The following ADCY9 variants were observed in gnomAD, a reference collection of about 807,000 sequenced individuals.
The protein encoded by ADCY9 is adenylate cyclase type 9.
ADCY9 carries 50 observed loss-of-function variants against 101.5 expected under a neutral mutation model. The observed-to-expected ratio is 0.49, with a 90% CI of 0.39 to 0.62. The LOEUF (loss-of-function observed/expected upper bound fraction) is 0.62. Among genes scored for constraint, ADCY9 ranks in the 20% least tolerant of loss-of-function variants. The probability of loss-of-function intolerance (pLI) is 0.00; values close to 1 mark genes in which losing one functional copy is unlikely to be tolerated. For synonymous variants in ADCY9, 905 were observed against 769.3 expected (o/e 1.18, Z -2.92); for missense variants, 1,662 against 1,800.4 (o/e 0.92, Z 1.39).
downstream of ADCY9, among the ~76,000 whole-genome samples, chr16:3,959,892 G>A (rs1477665304): frequency 6.6e-6 from 1 of 152,046 alleles, no homozygotes; most frequent in Non-Finnish European, 1.5e-5. Flanking sequence ...TAGGCGTGGT[G>A]GCGCATGCCT....
chr16:3,978,804 C>T (rs1383733016), intron 8 of ADCY9, among the ~76,000 whole-genome samples: 2 of 152,232 alleles, frequency 1.3e-5, no homozygotes, highest in African/African-American at 4.8e-5. Flanking sequence ...ACTGCAACCT[C>T]TGCCTCCCAG....
intron 4 of ADCY9, among the ~76,000 whole-genome samples, chr16:3,993,048 T>G (rs1025778301): frequency 2.0e-5 from 3 of 152,080 alleles, no homozygotes; most frequent in Admixed American, 2.0e-4. Flanking sequence ...CCAGCCTTTC[T>G]CGCCGTGAAG....
chr16:4,061,158 A>G (rs1213151507), intron 2 of ADCY9, among the ~76,000 whole-genome samples: 1 of 152,024 alleles, frequency 6.6e-6, no homozygotes, highest in Non-Finnish European at 1.5e-5. Flanking sequence ...AAATTATCCA[A>G]TCTGAAGAAG....
At chr16:4,030,765 C>T (rs1249430023) in intron 2 of ADCY9, among the ~76,000 whole-genome samples, 4 of 151,538 alleles carry the variant, frequency 2.6e-5, no homozygotes, top group Admixed American at 6.6e-5. Context: ...CACAGGCAAA[C>T]GCAATTTATG....
At chr16:4,096,805 T>C (rs2057006552) in intron 2 of ADCY9, among the ~76,000 whole-genome samples, 1 of 151,866 alleles carries the variant, frequency 6.6e-6, no homozygotes, top group Non-Finnish European at 1.5e-5. Context: ...CAGGCTAGAG[T>C]GTTAGAAAAT....
intron 2 of ADCY9, among the ~76,000 whole-genome samples, chr16:4,053,348 T>G (rs1386918790): frequency 6.6e-6 from 1 of 152,204 alleles, no homozygotes; most frequent in Non-Finnish European, 1.5e-5. Context: ...TGGAGACAGT[T>G]AAGTTACCAG....
chr16:4,046,963 G>C lies in ADCY9; in HGVS notation c.1694-39405C>G, dbSNP rs369857752. 7.9e-5 allele frequency among the ~76,000 whole-genome samples: 12 copies of C among 152,140 alleles called. No individual in the cohort carries two copies. The East Asian group carries it at 1.5e-3, about 20-fold the overall frequency. ...AGGTCGAGGCTGCAGTAAGCTATAAGTACGCCACTGGACTCCAGCCTGGTC... is the reference window on the plus strand; with the variant it reads ...AGGTCGAGGCTGCAGTAAGCTATAACTACGCCACTGGACTCCAGCCTGGTC... On this transcript the variant is annotated intron_variant, in intron 2 of 10. Coordinates refer to ENST00000294016, the MANE Select transcript of ADCY9 (RefSeq NM_001116.4).
Position 4,115,313 on chromosome 16 carries a change from T to C in ADCY9, c.130A>G (p.Lys44Glu), listed in dbSNP as rs763126371. Residue 44 changes from lysine to glutamate, a missense_variant, in exon 2 of 11, where the codon AAG becomes GAG. This residue lies in a region of ADCY9 where 422 missense variants were observed against 392.0 expected (regional missense o/e 1.08). Coordinates refer to ENST00000294016, the MANE Select transcript of ADCY9 (RefSeq NM_001116.4). The surrounding 1 kb of genome is among the most constrained non-coding windows in gnomAD (Gnocchi z 6.2). ...PKQLSSNSHP[K>E]HCKYSISSSC... ...GAGGAGATGCTGTATTTGCAGTGCT[T>C]GGGGTGGCTGTTGGAGGACAGCTGC... is the stretch of plus-strand genomic sequence containing the variant. 1.9e-6 allele frequency: 3 copies of C among 1,613,698 alleles called. No homozygotes were observed. In the South Asian group the frequency reaches 3.3e-5, roughly 18 times the overall value.
chr16:4,051,906 C>G (rs966913137), intron 2 of ADCY9, among the ~76,000 whole-genome samples: 3 of 152,132 alleles, frequency 2.0e-5, no homozygotes, highest in Admixed American at 2.0e-4. Flanking sequence ...TTTTCCGAGT[C>G]CCCAAAAAAT....
chr16:4,005,195 G>A (rs1398561802), intron 3 of ADCY9, among the ~76,000 whole-genome samples: 1 of 152,142 alleles, frequency 6.6e-6, no homozygotes, highest in East Asian at 1.9e-4. Context: ...AATATCCCAA[G>A]CTTCCCGAAT....
At chr16:3,993,534 G>A (rs2056264051) in intron 3 of ADCY9, 24 bp from the exon 4 acceptor site, 12 of 1,610,926 alleles carry the variant, frequency 7.4e-6, no homozygotes, top group South Asian at 1.1e-5. Flanking sequence ...ACAGACTGTG[G>A]GGACACACCC....
At chr16:3,974,856 T>A in intron 9 of ADCY9, 146 bp from the exon 10 acceptor site, 11 of 617,726 alleles carry the variant, frequency 1.8e-5, no homozygotes, top group South Asian at 9.8e-5. Context: ...ACCTCTTTCT[T>A]CACATCTGTG....
intron 2 of ADCY9, among the ~76,000 whole-genome samples, chr16:4,099,081 C>T (rs1358639128): frequency 6.6e-6 from 1 of 151,910 alleles, no homozygotes; most frequent in Non-Finnish European, 1.5e-5. Context: ...TACAGGTGTG[C>T]GCCACGACAC....
At chr16:3,970,610 G>A (rs971098148) in intron 10 of ADCY9, among the ~76,000 whole-genome samples, 14 of 152,188 alleles carry the variant, frequency 9.2e-5, no homozygotes, top group Non-Finnish European at 1.5e-4. Context: ...TTACAGGCAC[G>A]AGCCACCATG....
chr16:4,082,102 G>C (rs969427267), intron 2 of ADCY9, among the ~76,000 whole-genome samples: 2 of 152,084 alleles, frequency 1.3e-5, no homozygotes, highest in Non-Finnish European at 2.9e-5. Context: ...TGAAGGTTGG[G>C]CAGTGGCTCA....
At chr16:4,107,788 G>A (rs76084416) in intron 2 of ADCY9, among the ~76,000 whole-genome samples, 1,602 of 152,188 alleles carry the variant, frequency 0.011, 12 homozygotes, top group Non-Finnish European at 0.018. Context: ...TTAATGGGGC[G>A]CCCAGATTTC....
intron 2 of ADCY9, among the ~76,000 whole-genome samples, chr16:4,049,329 G>A (rs552260582): frequency 6.8e-4 from 103 of 152,182 alleles, no homozygotes; most frequent in African/African-American, 2.0e-3. Flanking sequence ...AGAGAAAGTC[G>A]GAAGGGGCAG....
intron 2 of ADCY9, among the ~76,000 whole-genome samples, chr16:4,094,810 A>C (rs384067): frequency 0.27 from 41,484 of 152,000 alleles, 6,072 homozygotes; most frequent in Non-Finnish European, 0.32. Context: ...AAAGGAAGAA[A>C]ACACACACAG....
At chr16:4,016,033 G>C (rs963798161) in intron 2 of ADCY9, among the ~76,000 whole-genome samples, 13 of 152,202 alleles carry the variant, frequency 8.5e-5, no homozygotes, top group Admixed American at 3.9e-4. Context: ...GCACAGGGCT[G>C]TTGTGAGGAT....
Sources: allele counts gnomAD v4.1 joint callset (sites outside exome capture counted in the v4.1 genomes callset), GRCh38; gene constraint gnomAD v4.1.1; regional missense constraint gnomAD v4.1.1; non-coding constraint Gnocchi (gnomAD v3.1); transcripts MANE v1.5; gene names NCBI Gene and HGNC (gene_info 2026-07-23, HGNC 2026-07-21).